ANXA2: variants seen among roughly 807,000 people sequenced by gnomAD.
The protein encoded by ANXA2 is annexin A2.
In ANXA2, 28 loss-of-function variants were observed where a neutral mutation model predicts 47.3. That is an observed-to-expected ratio of 0.59 (90% CI 0.44 to 0.81). The LOEUF (loss-of-function observed/expected upper bound fraction) is 0.81, where lower values mean the gene tolerates loss of function less well. Ranked by LOEUF, ANXA2 falls within the 40% of genes least tolerant of loss-of-function variation. The pLI, the probability that ANXA2 is intolerant of heterozygous loss-of-function variation, is 0.00. For missense variants in ANXA2, 384 were observed against 414.3 expected (o/e 0.93, Z 0.64); for synonymous variants, 172 against 155.5 (o/e 1.11, Z -0.79).
intron 1 of ANXA2, chr15:60,390,293 G>C (rs1405790193): frequency 9.6e-7 from 1 of 1,044,756 alleles, no homozygotes. Flanking sequence ...TACTTCATGT[G>C]AGTTTAATGG....
At chr15:60,391,908 A>C (rs1260643529) in intron 1 of ANXA2, among the ~76,000 whole-genome samples, 1 of 152,190 alleles carries the variant, frequency 6.6e-6, no homozygotes, top group Non-Finnish European at 1.5e-5. Context: ...AAAAAAAAAA[A>C]AAAATCAGCA....
At chr15:60,394,764 C>T (rs910837016) in intron 1 of ANXA2, 1 of 151,922 alleles carries the variant, frequency 6.6e-6, no homozygotes, top group African/African-American at 2.4e-5. Context: ...ATTTGGAAGT[C>T]ATCTGGTAGA....
intron 3 of ANXA2, among the ~76,000 whole-genome samples, chr15:60,368,885 T>C (rs1041131782): frequency 2.0e-5 from 3 of 152,202 alleles, no homozygotes; most frequent in African/African-American, 7.2e-5. Context: ...GCATGGTAAT[T>C]AGGAATTACA....
At chr15:60,348,951 CA>C (rs1359758831) in intron 12 of ANXA2, 123 bp downstream of exon 12, 23 of 1,077,856 alleles carry the variant, frequency 2.1e-5, no homozygotes, top group Middle Eastern at 2.8e-4. Flanking sequence ...TGATGACTAG[CA>C]TCTCTTCCCC....
chr15:60,381,467 A>C (rs1159182970), intron 3 of ANXA2, among the ~76,000 whole-genome samples: 2 of 152,226 alleles, frequency 1.3e-5, no homozygotes, highest in African/African-American at 4.8e-5. Flanking sequence ...TGCTTAATTA[A>C]TATAAGCCCA....
Position 60,347,533 on chromosome 15 carries a change from A to C in ANXA2, c.*97T>G. 1 of 1,217,168 alleles carries C rather than the reference A, an allele frequency of 8.2e-7. No homozygotes were observed. The highest frequency in any genetic ancestry group is 1.2e-6 in the Non-Finnish European group (1 of 827,396). 75.4% of individuals were successfully genotyped at this position (1,217,168 alleles called of 1,614,324 possible). A position where few individuals can be genotyped will look rare whatever the true frequency, so the allele number is the denominator to read the frequency against. ...TAATGCTAACGTCACCCTCACAGGGATGGCCACGGGGACTGTTATTCGCAA... is the reference window on the plus strand; with the variant it reads ...TAATGCTAACGTCACCCTCACAGGGCTGGCCACGGGGACTGTTATTCGCAA... On this transcript the variant is annotated 3_prime_UTR_variant, in exon 13 of 13. Transcript: ENST00000451270.
chr15:60,381,054 A>C (rs534643283), intron 3 of ANXA2, among the ~76,000 whole-genome samples: 13 of 152,104 alleles, frequency 8.5e-5, no homozygotes, highest in Non-Finnish European at 1.5e-4. Flanking sequence ...TGGTTTTAGG[A>C]AAGGTGACCA....
chr15:60,351,045 C>T (rs541356622), intron 11 of ANXA2, 148 bp downstream of exon 11: 910 of 716,110 alleles, frequency 1.3e-3, no homozygotes, highest in Non-Finnish European at 1.9e-3. Context: ...TCTCAGCTGT[C>T]ACATACAACC....
At chr15:60,394,357 G>A (rs190404696) in intron 1 of ANXA2, among the ~76,000 whole-genome samples, 97 of 152,238 alleles carry the variant, frequency 6.4e-4, no homozygotes, top group South Asian at 1.2e-3. Context: ...TAAAACTCAG[G>A]CCACTTGGGT....
Position 60,393,273 on chromosome 15 carries a change from G to C in ANXA2, c.-12+4670C>G, listed in dbSNP as rs1328627948. ...CTTCATGCTCTCACAGCCTCTCTCTGCTGGTATCCTGATCTGGGGTTGGAG... is the reference window on the plus strand; with the variant it reads ...CTTCATGCTCTCACAGCCTCTCTCTCCTGGTATCCTGATCTGGGGTTGGAG... On this transcript the variant is annotated intron_variant, in intron 1 of 12. Coordinates refer to ENST00000451270, the MANE Select transcript of ANXA2 (RefSeq NM_004039.3). 4.8e-6 allele frequency: 5 copies of C among 1,035,650 alleles called. No homozygotes were observed. In the East Asian group the frequency reaches 2.9e-4, roughly 60 times the overall value. The allele number at this position is 1,035,650 out of a possible 1,614,324, so 64.2% of individuals were successfully genotyped here.
intron 11 of ANXA2, among the ~76,000 whole-genome samples, chr15:60,350,119 G>GGGGAAGGCAGGGAGGC (rs1895937081): frequency 1.3e-4 from 1 of 7,946 alleles, no homozygotes; most frequent in Non-Finnish European, 3.1e-4. Context: ...GGCAGGGAGG[G>GGGGAAGGCAGGGAGGC]AGGGGAAGGC....
chr15:60,358,312 A>T (rs190488797), intron 5 of ANXA2, among the ~76,000 whole-genome samples: 1 of 152,228 alleles, frequency 6.6e-6, no homozygotes, highest in Non-Finnish European at 1.5e-5. Context: ...AAAGGACTCA[A>T]TGAAACATGT....
intron 7 of ANXA2, among the ~76,000 whole-genome samples, chr15:60,355,206 G>A (rs1327944734): frequency 1.3e-5 from 2 of 152,196 alleles, no homozygotes; most frequent in Non-Finnish European, 2.9e-5. Flanking sequence ...TTTGAACAGA[G>A]GAGTAAAATG....
In ANXA2 at chr15:60,382,324, G is replaced by A. The variant is rs2062872912; in HGVS notation, c.148+18C>T. On this transcript the variant is annotated intron_variant, in intron 3 of 12. Transcript: ENST00000451270. ...CTCAGTAAGACCCTGACAAGAAGAG[G>A]ACAAATGTATCACCTACCTTTGGTC... 6.3e-7 allele frequency: 1 copy of A among 1,589,478 alleles called. No homozygotes were observed. The highest frequency in any genetic ancestry group is 1.1e-5 in the South Asian group (1 of 90,552).
chr15:60,393,891 T>G (rs1403611068), intron 1 of ANXA2, among the ~76,000 whole-genome samples: 2 of 152,238 alleles, frequency 1.3e-5, no homozygotes, highest in African/African-American at 4.8e-5. Context: ...TTACACACAC[T>G]GGGTCTTTCT....
chr15:60,372,974 C>A (rs1306768360), intron 3 of ANXA2, among the ~76,000 whole-genome samples: 2 of 152,092 alleles, frequency 1.3e-5, no homozygotes, highest in African/African-American at 4.8e-5. Context: ...AATCTCATTC[C>A]AACATTCTTT....
intron 4 of ANXA2, among the ~76,000 whole-genome samples, chr15:60,364,170 A>C (rs1422486529): frequency 1.3e-5 from 2 of 152,198 alleles, no homozygotes; most frequent in African/African-American, 2.4e-5. Flanking sequence ...CCTACTGTGA[A>C]CTGCACACGC....
chr15:60,376,014 C>T (rs550384551), intron 3 of ANXA2, among the ~76,000 whole-genome samples: 2 of 152,024 alleles, frequency 1.3e-5, no homozygotes, highest in Non-Finnish European at 2.9e-5. Context: ...TGTAGAGGGC[C>T]GTGAACAGAG....
At chr15:60,360,243 C>A (rs1423676227) in intron 5 of ANXA2, among the ~76,000 whole-genome samples, 1 of 151,880 alleles carries the variant, frequency 6.6e-6, no homozygotes, top group Non-Finnish European at 1.5e-5. Flanking sequence ...GCAACAAGAG[C>A]GAAATCCATC....
Sources: allele counts gnomAD v4.1 joint callset (sites outside exome capture counted in the v4.1 genomes callset), GRCh38; gene constraint gnomAD v4.1.1; transcripts MANE v1.5; gene names NCBI Gene and HGNC (gene_info 2026-07-23, HGNC 2026-07-21).